The following VDR variants were observed in gnomAD, a reference collection of about 807,000 sequenced individuals.
VDR encodes vitamin D receptor.
VDR carries 19 observed loss-of-function variants against 39.7 expected under a neutral mutation model. That is an observed-to-expected ratio of 0.48 (90% CI 0.33 to 0.70). VDR has a LOEUF of 0.70. Among genes scored for constraint, VDR ranks in the 30% least tolerant of loss-of-function variants. VDR has a pLI of 0.02. For synonymous variants in VDR, 242 were observed against 215.8 expected (o/e 1.12, Z -1.07); for missense variants, 442 against 570.5 (o/e 0.77, Z 2.29).
In VDR at chr12:47,871,338, C is replaced by CTTTCTTTCTTTCTTTCTTTCT. The variant is rs1555153540; in HGVS notation, c.147-6162_147-6161insAGAAAGAAAGAAAGAAAGAAA. ...TCTTTCTTTCTTTCTTTCTTTCTTT[C>CTTTCTTTCTTTCTTTCTTTCT]TTTCTTTCTTTCTTTCTTTCCTTTC... On this transcript the variant is annotated intron_variant, in intron 3 of 9. Coordinates refer to ENST00000549336, the MANE Select transcript of VDR (RefSeq NM_000376.3). Among the ~76,000 whole-genome samples the CTTTCTTTCTTTCTTTCTTTCT allele has an allele frequency of 7.8e-4, 113 of 145,498 alleles. 2 individuals are homozygous for CTTTCTTTCTTTCTTTCTTTCT. Among genetic ancestry groups the CTTTCTTTCTTTCTTTCTTTCT allele is most frequent in the African/African-American group, 2.7e-3 (107 of 39,432 alleles).
intron 5 of VDR, 121 bp downstream of exon 5, chr12:47,857,383 C>T (rs765905624): frequency 1.9e-6 from 3 of 1,596,992 alleles, no homozygotes; most frequent in South Asian, 2.2e-5. Flanking sequence ...GGCAGAGCAG[C>T]CTCCGTCCCT....
chr12:47,849,944 G>A (rs534729198), intron 7 of VDR, among the ~76,000 whole-genome samples: 4 of 151,960 alleles, frequency 2.6e-5, no homozygotes, highest in East Asian at 3.9e-4. Flanking sequence ...TCTGCCTCCC[G>A]GGTTCAGGCA....
At chr12:47,853,209 G>A (rs1002164523) in intron 7 of VDR, among the ~76,000 whole-genome samples, 26 of 152,114 alleles carry the variant, frequency 1.7e-4, no homozygotes, top group African/African-American at 2.9e-4. Context: ...TTGGGAGGCC[G>A]AGACAGGCGG....
chr12:47,850,882 TC>T, intron 7 of VDR, among the ~76,000 whole-genome samples: 1 of 151,414 alleles, frequency 6.6e-6, no homozygotes, highest in South Asian at 2.1e-4. Context: ...CCTCCCGCAT[TC>T]CCACGGTACC....
intron 1 of VDR, among the ~76,000 whole-genome samples, chr12:47,886,146 ATTC>A (rs1312945171): frequency 2.0e-5 from 3 of 152,228 alleles, no homozygotes; most frequent in East Asian, 3.8e-4. Context: ...GTGGGAGACA[ATTC>A]TTCTTCTTCC....
chr12:47,898,119 G>A (rs1168962428), intron 1 of VDR, among the ~76,000 whole-genome samples: 3 of 152,150 alleles, frequency 2.0e-5, no homozygotes, highest in Non-Finnish European at 2.9e-5. Context: ...AGCACTGCTG[G>A]TGGAAGCCCA....
intron 9 of VDR, 129 bp from the exon 10 acceptor site, chr12:47,845,134 C>G: frequency 7.0e-7 from 1 of 1,419,224 alleles, no homozygotes; most frequent in Non-Finnish European, 9.7e-7. Context: ...TCTATGACTG[C>G]TGACCGGTGA....
At position 47,879,092 on chromosome 12, in the gene VDR, T is replaced by G. The variant is rs776847875; in HGVS notation, c.22A>C (p.Thr8Pro). The G allele has an allele frequency of 1.2e-6, 2 of 1,614,016 alleles. No individual in the cohort carries two copies. The highest frequency in any genetic ancestry group is 1.7e-6 in the Non-Finnish European group (2 of 1,179,952). Reference sequence around the variant, plus strand: ...AAGTCTCCAGGGTCAGGCAGGGAAGTGCTGGCCGCCATTGCCTCCATCCCT... The same window carrying G: ...AAGTCTCCAGGGTCAGGCAGGGAAGGGCTGGCCGCCATTGCCTCCATCCCT... The part of the protein sequence containing the change: MEAMAAS[T>P]SLPDPGDFDR... Residue 8 changes from threonine to proline, a missense_variant, in exon 3 of 10, where the codon ACT (threonine) becomes CCT (proline). Physicochemically the swap from Thr to Pro is conservative, Grantham distance 38. Coordinates refer to ENST00000549336, the MANE Select transcript of VDR (RefSeq NM_000376.3).
chr12:47,850,261 C>G (rs1458841663), intron 7 of VDR, among the ~76,000 whole-genome samples: 2 of 152,130 alleles, frequency 1.3e-5, no homozygotes. Flanking sequence ...ATCCTACTTC[C>G]TATATCACTC....
intron 4 of VDR, among the ~76,000 whole-genome samples, chr12:47,859,912 TCC>T (rs1421957415): frequency 6.8e-4 from 29 of 42,668 alleles, no homozygotes; most frequent in African/African-American, 2.1e-3. Context: ...CTTCCTTCCT[TCC>T]TTCTTTCTTT....
At chr12:47,862,190 T>C (rs755337675) in intron 4 of VDR, among the ~76,000 whole-genome samples, 3 of 152,256 alleles carry the variant, frequency 2.0e-5, no homozygotes, top group Non-Finnish European at 4.4e-5. Flanking sequence ...TTATAAAATT[T>C]CTTGGGTTCC....
At chr12:47,862,126 A>C (rs1945639089) in intron 4 of VDR, among the ~76,000 whole-genome samples, 1 of 152,254 alleles carries the variant, frequency 6.6e-6, no homozygotes, top group African/African-American at 2.4e-5. Context: ...AGTTACCACA[A>C]TGTGTGGTTC....
chr12:47,889,534 C>CA (rs757785452), intron 1 of VDR, among the ~76,000 whole-genome samples: 11 of 152,204 alleles, frequency 7.2e-5, no homozygotes, highest in Admixed American at 6.5e-4. Flanking sequence ...GAACTCAAGA[C>CA]AGGGAGTACT....
At chr12:47,863,695 G>C (rs992971343) in intron 4 of VDR, among the ~76,000 whole-genome samples, 10 of 152,204 alleles carry the variant, frequency 6.6e-5, no homozygotes, top group African/African-American at 2.4e-4. Flanking sequence ...GCCCAGGCCT[G>C]CACCCTGTGA....
At chr12:47,902,265 G>A (rs1946578395) in intron 1 of VDR, among the ~76,000 whole-genome samples, 1 of 152,178 alleles carries the variant, frequency 6.6e-6, no homozygotes, top group Non-Finnish European at 1.5e-5. Context: ...TATCTAGGAG[G>A]GCACTGACAC....
intron 7 of VDR, among the ~76,000 whole-genome samples, chr12:47,851,479 C>T (rs571726470): frequency 6.6e-6 from 1 of 152,300 alleles, no homozygotes; most frequent in East Asian, 1.9e-4. Context: ...TGTGCCCCCA[C>T]ACACCCACAC....
At chr12:47,849,974 C>A (rs1042012268) in intron 7 of VDR, among the ~76,000 whole-genome samples, 1 of 152,054 alleles carries the variant, frequency 6.6e-6, no homozygotes, top group African/African-American at 2.4e-5. Context: ...TCTCAGCCTG[C>A]GGAGAAGCTG....
chr12:47,847,562 G>A (rs77290820), intron 7 of VDR, among the ~76,000 whole-genome samples: 4,193 of 151,812 alleles, frequency 0.028, 81 homozygotes, highest in Non-Finnish European at 0.045. Flanking sequence ...CAGATGCTGT[G>A]TGTTCTCACT....
Position 47,865,714 on chromosome 12 carries a change from CTT to C in VDR, c.147-539_147-538del, listed in dbSNP as rs34900299. On this transcript the variant is annotated intron_variant, in intron 3 of 9. Coordinates refer to ENST00000549336, the MANE Select transcript of VDR (RefSeq NM_000376.3). ...AGGTGTGAGCCACTGCACTCCGACT[CTT>C]TTTTTTTTTTTTTTTTGAGACGGAG... 2.3e-3 allele frequency among the ~76,000 whole-genome samples: 246 copies of C among 106,304 alleles called. 1 individual carries two copies. Among genetic ancestry groups the C allele is most frequent in the Middle Eastern group, 5.8e-3 (1 of 172 alleles). 69.7% of individuals were successfully genotyped at this position (106,304 alleles called of 152,430 possible). A position where few individuals can be genotyped will look rare whatever the true frequency, so the allele number is the denominator to read the frequency against.
Sources: gnomAD v4.1 joint callset for allele counts (sites outside exome capture counted in the v4.1 genomes callset) on GRCh38, gnomAD v4.1.1 for gene constraint, MANE v1.5 for transcripts, NCBI Gene and HGNC (gene_info 2026-07-23, HGNC 2026-07-21) for gene names.